Variants in CDH12 observed in about 807,000 individuals in gnomAD.
CDH12 encodes the protein cadherin-12.
CDH12 carries 41 observed loss-of-function variants against 74.1 expected under a neutral mutation model. The observed-to-expected ratio is 0.55, with a 90% confidence interval of 0.43 to 0.72. The LOEUF (loss-of-function observed/expected upper bound fraction) is 0.72. Ranked by LOEUF, CDH12 falls within the 30% of genes least tolerant of loss-of-function variation. CDH12 has a pLI of 0.00. For missense variants in CDH12, 945 were observed against 977.2 expected (o/e 0.97, Z 0.44); for synonymous variants, 399 against 355.0 (o/e 1.12, Z -1.39).
At chr5:22,163,014 A>C (rs1748456976) in intron 4 of CDH12, among the ~76,000 whole-genome samples, 1 of 149,514 alleles carries the variant, frequency 6.7e-6, no homozygotes, top group Admixed American at 6.8e-5. Context: ...CTCCTGCCTC[A>C]GCCTCCTGAG....
intron 5 of CDH12, among the ~76,000 whole-genome samples, chr5:22,020,973 A>G (rs2150161288): frequency 6.6e-6 from 1 of 152,268 alleles, no homozygotes; most frequent in Non-Finnish European, 1.5e-5. Flanking sequence ...TTAACATGCT[A>G]TGATATCATA....
At chr5:22,028,969 C>T (rs542559164) in intron 5 of CDH12, among the ~76,000 whole-genome samples, 12 of 152,192 alleles carry the variant, frequency 7.9e-5, no homozygotes, top group Admixed American at 2.6e-4. Flanking sequence ...ATATCTACAG[C>T]GATCTGATCT....
intron 8 of CDH12, among the ~76,000 whole-genome samples, chr5:21,841,341 T>C (rs963855524): frequency 1.4e-4 from 22 of 151,928 alleles, no homozygotes; most frequent in African/African-American, 5.3e-4. Flanking sequence ...TGGCAATCAT[T>C]AAAAAGTCAG....
At chr5:22,064,672 T>C (rs558918307) in intron 5 of CDH12, among the ~76,000 whole-genome samples, 2 of 152,200 alleles carry the variant, frequency 1.3e-5, no homozygotes, top group Non-Finnish European at 2.9e-5. Context: ...AAACTAATGA[T>C]GATAAATAAT....
chr5:21,883,524 C>T, intron 6 of CDH12: 1 of 1,612,546 alleles, frequency 6.2e-7, no homozygotes, highest in Non-Finnish European at 8.5e-7. Context: ...TAGAAAGAAC[C>T]AACTTAAAGA....
intron 2 of CDH12, among the ~76,000 whole-genome samples, chr5:22,428,230 CA>C (rs1338391365): frequency 2.2e-5 from 3 of 135,880 alleles, no homozygotes; most frequent in African/African-American, 8.5e-5. Flanking sequence ...CACACACACA[CA>C]ATCTATGTGC....
At chr5:22,056,553 CATAG>C (rs1422922519) in intron 5 of CDH12, among the ~76,000 whole-genome samples, 2 of 152,114 alleles carry the variant, frequency 1.3e-5, no homozygotes, top group African/African-American at 4.8e-5. Context: ...CTTCGTTGAA[CATAG>C]ATAGATTCTT....
At chr5:22,622,454 C>T (rs539090907) in intron 1 of CDH12, among the ~76,000 whole-genome samples, 1 of 151,888 alleles carries the variant, frequency 6.6e-6, no homozygotes, top group South Asian at 2.1e-4. Context: ...CCAGTGACTC[C>T]CCAGATACAT....
intron 1 of CDH12, chr5:22,580,720 A>G: frequency 5.9e-6 from 2 of 340,618 alleles, no homozygotes; most frequent in South Asian, 3.1e-5. Flanking sequence ...CAGCTTTCCA[A>G]AAACCTCATA....
At chr5:21,825,168 A>G (rs1399555396) in intron 8 of CDH12, among the ~76,000 whole-genome samples, 2 of 145,064 alleles carry the variant, frequency 1.4e-5, no homozygotes, top group Non-Finnish European at 3.0e-5. Flanking sequence ...AAAAAAAAAA[A>G]GAAAAAAAAC....
chr5:22,724,263 G>C (rs2126994174), intron 1 of CDH12, among the ~76,000 whole-genome samples: 1 of 150,684 alleles, frequency 6.6e-6, no homozygotes, highest in East Asian at 2.0e-4. Context: ...TTGTTTTTGG[G>C]GTACAGGTGA....
chr5:22,113,260 A>G (rs1401326401), intron 4 of CDH12, among the ~76,000 whole-genome samples: 2 of 152,140 alleles, frequency 1.3e-5, no homozygotes, highest in Non-Finnish European at 2.9e-5. Flanking sequence ...TGGGGGAAAA[A>G]TTTACATCTG....
rs1189073258 is a variant in CDH12, at chr5:22,351,264, A to G, written c.-333+53993T>C. Among the ~76,000 whole-genome samples the G allele has an allele frequency of 2.6e-5, 4 of 152,196 alleles. No homozygotes were observed. The East Asian group carries it at 7.7e-4, about 29-fold the overall frequency. Reference sequence around the variant, plus strand: ...CAGGTTTTGGGTACTTCAGATTGACAAACAATGGAAGCAAATAAGAAAGAA... The same window carrying G: ...CAGGTTTTGGGTACTTCAGATTGACGAACAATGGAAGCAAATAAGAAAGAA... On this transcript the variant is annotated intron_variant, in intron 3 of 14. Transcript: ENST00000382254.
intron 7 of CDH12, among the ~76,000 whole-genome samples, chr5:21,849,025 A>G (rs1750327519): frequency 1.3e-5 from 2 of 151,928 alleles, no homozygotes; most frequent in African/African-American, 4.8e-5. Flanking sequence ...TTCATTACTC[A>G]TCATCTGCTT....
At chr5:22,632,909 A>C (rs1198779736) in intron 1 of CDH12, among the ~76,000 whole-genome samples, 1 of 152,128 alleles carries the variant, frequency 6.6e-6, no homozygotes, top group East Asian at 1.9e-4. Flanking sequence ...AAACTAAAAG[A>C]AGAACCTCAA....
intron 4 of CDH12, among the ~76,000 whole-genome samples, chr5:22,132,044 C>T (rs1388898800): frequency 1.3e-5 from 2 of 152,064 alleles, no homozygotes; most frequent in Admixed American, 1.3e-4. Flanking sequence ...GGATATTTTG[C>T]CTTTGGGAAC....
At chr5:22,801,224 AT>A (rs1748492268) in intron 1 of CDH12, among the ~76,000 whole-genome samples, 2 of 152,076 alleles carry the variant, frequency 1.3e-5, no homozygotes, top group Non-Finnish European at 2.9e-5. Context: ...AGTGTTCTAG[AT>A]TTTGCTCCTT....
chr5:22,780,493 A>G (rs1458679732), intron 1 of CDH12, among the ~76,000 whole-genome samples: 1 of 152,120 alleles, frequency 6.6e-6, no homozygotes, highest in Non-Finnish European at 1.5e-5. Context: ...AAGAAAGGCA[A>G]CCTTCTTCAC....
chr5:22,356,995 T>A (rs1740588941), intron 3 of CDH12, among the ~76,000 whole-genome samples: 2 of 152,270 alleles, frequency 1.3e-5, no homozygotes, highest in East Asian at 1.9e-4. Flanking sequence ...ATTTTCTAAA[T>A]ATTTATTTAT....
Sources: gnomAD v4.1 joint callset for allele counts (sites outside exome capture counted in the v4.1 genomes callset) on GRCh38, gnomAD v4.1.1 for gene constraint, MANE v1.5 for transcripts, NCBI Gene and HGNC (gene_info 2026-07-23, HGNC 2026-07-21) for gene names.